MTFR1L: variants seen among roughly 807,000 people sequenced by gnomAD.
MTFR1L encodes mitochondrial fission regulator 1-like.
MTFR1L carries 10 observed loss-of-function variants against 27.9 expected under a neutral mutation model. That is an observed-to-expected ratio of 0.36 (90% confidence interval 0.22 to 0.61). The LOEUF (loss-of-function observed/expected upper bound fraction) is 0.61. MTFR1L is among the 20% of genes least tolerant of loss of function. MTFR1L has a pLI of 0.73. For synonymous variants in MTFR1L, 151 were observed against 139.4 expected, an observed-to-expected ratio of 1.08 and a Z score of -0.58; for missense variants, 315 against 363.7, an observed-to-expected ratio of 0.87 and a Z score of 1.09.
rs769654611 is a variant in MTFR1L at position 25,829,544 on chromosome 1, G to A, written c.487G>A (p.Gly163Arg). The change falls in exon 6 of 7, where the codon GGA becomes AGA. Residue 163 changes from glycine to arginine, a missense_variant. Physicochemically the swap from Gly to Arg is moderately radical, Grantham distance 125 (BLOSUM62 -2). Coordinates refer to ENST00000374303, the MANE Select transcript of MTFR1L (RefSeq NM_001099625.2). ...ASLTPDFLSP[G>R]SSNVSSPLPC... is the part of the protein sequence containing the mutation. ...ATTAACGCCAGATTTCTTATCTCCA[G>A]GAAGTTCAAATGTCTCTTCTCCCTT... is the stretch of plus-strand genomic sequence containing the variant. The A allele has an allele frequency of 1.2e-5, 19 of 1,613,830 alleles. No individual in the cohort carries two copies. In the Admixed American group the frequency reaches 3.2e-4, roughly 27 times the overall value.
At chr1:25,820,119 G>A (rs1223327932) in intron 1 of MTFR1L, 90 bp downstream of exon 1, 1 of 444,964 alleles carries the variant, frequency 2.2e-6, no homozygotes, top group African/African-American at 2.1e-5. Context: ...GCTGTGCGGA[G>A]CCCGCAGCTC....
At position 25,828,932 on chromosome 1, in the gene MTFR1L, G is replaced by A. The variant is rs553835407; in HGVS notation, c.452-577G>A. ...TTGGCTACTTTTTTGTCATCCAAGA[G>A]ACAAGCAGAAGTAACATCTTTTTTA... On this transcript the variant is annotated intron_variant, in intron 5 of 6. Coordinates refer to ENST00000374303, the MANE Select transcript of MTFR1L (RefSeq NM_001099625.2). Among the ~76,000 whole-genome samples the A allele has an allele frequency of 6.6e-5, 10 of 152,280 alleles. No individual in the cohort carries two copies. The South Asian group carries it at 2.1e-3, about 32-fold the overall frequency.
chr1:25,827,649 C>T (rs974626342), intron 5 of MTFR1L, among the ~76,000 whole-genome samples: 1 of 152,114 alleles, frequency 6.6e-6, no homozygotes, highest in Admixed American at 6.5e-5. Context: ...CCACATTAAT[C>T]AGGCTGGTCT....
intron 6 of MTFR1L, among the ~76,000 whole-genome samples, chr1:25,830,422 G>C (rs181973373): frequency 1.3e-5 from 2 of 152,336 alleles, no homozygotes; most frequent in Admixed American, 1.3e-4. Flanking sequence ...AGAACCCCAA[G>C]GAGTGGAGCT....
At chr1:25,828,374 G>A (rs888856020) in intron 5 of MTFR1L, among the ~76,000 whole-genome samples, 2 of 152,200 alleles carry the variant, frequency 1.3e-5, no homozygotes, top group Admixed American at 6.5e-5. Flanking sequence ...CCTGAGGTCA[G>A]GAGTTCGAGA....
rs1205056153 is a variant in MTFR1L, at chr1:25,822,716, CAG to C, written c.-86-302_-86-301del. On this transcript the variant is annotated intron_variant, in intron 1 of 6. Coordinates refer to ENST00000374303, the MANE Select transcript of MTFR1L (RefSeq NM_001099625.2). ...TAATTTTTTGTATTTTTAGTAGAGA[CAG>C]GGCTTCACTGTGTTAGCCAGGATGG... 1.3e-5 allele frequency: 6 copies of C among 444,716 alleles called. 2 individuals carry two copies. The African/African-American group carries it at 1.6e-4, about 12-fold the overall frequency. The allele number at this position is 444,716 out of a possible 1,614,324, so 27.5% of individuals were successfully genotyped here.
At chr1:25,830,573 A>G (rs1021260119) in intron 6 of MTFR1L, among the ~76,000 whole-genome samples, 5 of 152,084 alleles carry the variant, frequency 3.3e-5, no homozygotes, top group African/African-American at 4.8e-5. Context: ...GCTGCACAGG[A>G]CTCACCAGAG....
chr1:25,823,487 C>T (rs769865538), intron 2 of MTFR1L, 157 bp from the exon 3 acceptor site: 9 of 1,226,156 alleles, frequency 7.3e-6, no homozygotes, highest in Non-Finnish European at 9.3e-6. Context: ...AACTGGGGAA[C>T]CTGCCCTCAC....
In MTFR1L at chr1:25,826,657, T is replaced by C. The variant is rs184069835; in HGVS notation, c.282T>C (p.Pro94=). The stretch of plus-strand genomic sequence containing the variant: ...TGAGGCACACCTGGAAACCCAGCCC[T>C]CTGATTGTCATGCAGCGCAATGCCT... The part of the protein sequence containing the change: ...RPLRHTWKPS[P]LIVMQRNASV... Residue 94 remains proline, a synonymous_variant, in exon 5 of 7, where the codon CCT becomes CCC. Coordinates refer to ENST00000374303, the MANE Select transcript of MTFR1L (RefSeq NM_001099625.2). The surrounding 1 kb of genome is among the most constrained non-coding windows in gnomAD (Gnocchi z 4.1). 2.5e-6 allele frequency: 4 copies of C among 1,614,188 alleles called. No individual in the cohort carries two copies. The East Asian group carries it at 8.9e-5, about 36-fold the overall frequency.
At position 25,829,677 on chromosome 1, in the gene MTFR1L, G is replaced by C; in HGVS notation, c.620G>C (p.Cys207Ser). The C allele has an allele frequency of 1.2e-6, 2 of 1,614,142 alleles. No homozygotes were observed. The highest frequency in any genetic ancestry group is 1.7e-6 in the Non-Finnish European group (2 of 1,180,024). ...GAGCTTCCATCAGTCCCCCTGCTTT[G>C]TTCTGCCAGCCCTGAATGTTGCAAA... Reference protein sequence around the residue: ...VPELPSVPLLCSASPECCKPE... With the variant: ...VPELPSVPLLSSASPECCKPE... The change falls in exon 6 of 7, where the codon TGT (cysteine) becomes TCT (serine). Residue 207 changes from cysteine to serine, a missense_variant. Physicochemically the swap from Cys to Ser is moderately radical, Grantham distance 112. Transcript: ENST00000374303.
chr1:25,823,741 C>T lies in MTFR1L; in HGVS notation c.122C>T (p.Ser41Phe), dbSNP rs753231852. ...CCCTTGAAGCCGTGTGCCCGGGCGT[C>T]CTTTGAGGTGAGTATGTTGGAAGGG... ...NLPLKPCARA[S>F]FETLPNISDL... Residue 41 changes from serine (S) to phenylalanine (F), a missense_variant, in exon 3 of 7, where the codon TCC becomes TTC. Transcript: ENST00000374303. 1 of 1,613,864 alleles carries T rather than the reference C, an allele frequency of 6.2e-7. No individual in the cohort carries two copies. The highest frequency in any genetic ancestry group is 8.5e-7 in the Non-Finnish European group (1 of 1,179,920).
chr1:25,832,078 G>T lies in MTFR1L; in HGVS notation c.*52G>T, dbSNP rs1261253464. On this transcript the variant is annotated 3_prime_UTR_variant, in exon 7 of 7. Transcript: ENST00000374303. ...TCATGCTCCTGGAATACCTTCAATA[G>T]CTGCCTTCCTCACCGCAGATGTTTC... 1.2e-6 allele frequency: 2 copies of T among 1,613,468 alleles called. No individual in the cohort carries two copies. The highest frequency in any genetic ancestry group is 1.7e-6 in the Non-Finnish European group (2 of 1,179,936).
chr1:25,823,989 T>C (rs1287810293), intron 3 of MTFR1L, among the ~76,000 whole-genome samples: 5 of 152,242 alleles, frequency 3.3e-5, no homozygotes, highest in South Asian at 2.1e-4. Flanking sequence ...ATTTTTGAGT[T>C]GAACTCTGCT....
intron 2 of MTFR1L, chr1:25,823,428 TAGC>T: frequency 1.3e-6 from 1 of 766,252 alleles, no homozygotes. Context: ...TTGACTGCCT[TAGC>T]AGCAGCAGGT....
intron 3 of MTFR1L, among the ~76,000 whole-genome samples, chr1:25,825,242 G>T (rs185554957): frequency 8.7e-4 from 132 of 152,144 alleles, no homozygotes; most frequent in Non-Finnish European, 1.4e-3. Context: ...AATCTTACTT[G>T]TGTGTAAATA....
intron 5 of MTFR1L, among the ~76,000 whole-genome samples, chr1:25,828,299 G>A (rs1338819864): frequency 6.6e-6 from 1 of 152,202 alleles, no homozygotes; most frequent in Non-Finnish European, 1.5e-5. Flanking sequence ...TTAAAATACA[G>A]TGGTCGGGCA....
intron 5 of MTFR1L, among the ~76,000 whole-genome samples, chr1:25,827,169 C>A (rs1269806842): frequency 6.6e-6 from 1 of 151,816 alleles, no homozygotes. Flanking sequence ...GTGAGTCTTG[C>A]TCTGTCGCCC....
chr1:25,829,456 G>A, intron 5 of MTFR1L, 53 bp from the exon 6 acceptor site: 1 of 1,487,458 alleles, frequency 6.7e-7, no homozygotes. Flanking sequence ...AGAAGATATT[G>A]CTACTGTGTT....
chr1:25,830,644 C>T (rs1234356630), intron 6 of MTFR1L, among the ~76,000 whole-genome samples: 1 of 152,206 alleles, frequency 6.6e-6, no homozygotes, highest in Non-Finnish European at 1.5e-5. Flanking sequence ...GGCCAGCACC[C>T]AGCTTGTGCA....
Sources: gnomAD v4.1 joint callset for allele counts (sites outside exome capture counted in the v4.1 genomes callset) on GRCh38, gnomAD v4.1.1 for gene constraint, Gnocchi (gnomAD v3.1) non-coding constraint, MANE v1.5 for transcripts, NCBI Gene and HGNC (gene_info 2026-07-23, HGNC 2026-07-21) for gene names.